The following NAALADL2 variants were observed in gnomAD, a reference collection of about 807,000 sequenced individuals.
NAALADL2 encodes inactive N-acetylated-alpha-linked acidic dipeptidase-like protein 2.
Under a neutral mutation model 87.2 loss-of-function variants are expected in NAALADL2, and 76 were observed. That is an observed-to-expected ratio of 0.87 (90% CI 0.72 to 1.05). The LOEUF (loss-of-function observed/expected upper bound fraction) is 1.05. Ranked by LOEUF, NAALADL2 falls within the 50% of genes least tolerant of loss-of-function variation. The pLI is 0.00. For missense variants in NAALADL2, 1,089 were observed against 945.8 expected, an observed-to-expected ratio of 1.15 and a Z score of -1.99; for synonymous variants, 354 against 331.0, an observed-to-expected ratio of 1.07 and a Z score of -0.75.
intron 10 of NAALADL2, among the ~76,000 whole-genome samples, chr3:175,590,041 T>C (rs893912224): frequency 2.6e-5 from 4 of 151,694 alleles, no homozygotes; most frequent in East Asian, 3.9e-4. Context: ...TGAAGCCCCA[T>C]CTCTCCTAAA....
In NAALADL2 at chr3:174,985,952, C is replaced by CA. The variant is rs369358657; in HGVS notation, c.44-110830dup. Among the ~76,000 whole-genome samples, 215 of 149,542 alleles carry CA rather than the reference C, an allele frequency of 1.4e-3. 1 individual carries two copies. The highest frequency in any genetic ancestry group is 4.8e-3 in the African/African-American group (195 of 40,582). ...GGGCAACGAGAGCGAAACTCCGTCT[C>CA]AAAAAAAACAAAATAAAACAAAAAA... On this transcript the variant is annotated intron_variant, in intron 1 of 13. Transcript: ENST00000454872.
At chr3:175,732,287 G>A (rs1262521331) in intron 11 of NAALADL2, among the ~76,000 whole-genome samples, 6 of 152,086 alleles carry the variant, frequency 3.9e-5, no homozygotes, top group African/African-American at 7.2e-5. Flanking sequence ...ATAGGATTAC[G>A]CAATAACTCA....
intron 2 of NAALADL2, among the ~76,000 whole-genome samples, chr3:175,214,681 G>A (rs1011757383): frequency 3.5e-4 from 53 of 152,074 alleles, no homozygotes; most frequent in African/African-American, 1.1e-3. Context: ...GGTAGTAAAG[G>A]CATTATGAAT....
intron 9 of NAALADL2, among the ~76,000 whole-genome samples, chr3:175,566,349 G>A (rs1224334199): frequency 2.0e-5 from 3 of 152,102 alleles, no homozygotes; most frequent in Non-Finnish European, 2.9e-5. Flanking sequence ...TCTCCCCAGA[G>A]GCAAATGGCA....
intron 1 of NAALADL2, among the ~76,000 whole-genome samples, chr3:174,874,911 G>T (rs7627945): frequency 0.18 from 27,597 of 151,414 alleles, 3,291 homozygotes; most frequent in African/African-American, 0.33. Flanking sequence ...AGCCAAGGAG[G>T]TTGAGACCAG....
chr3:175,687,864 G>T (rs1489216965), intron 11 of NAALADL2, among the ~76,000 whole-genome samples: 3 of 151,862 alleles, frequency 2.0e-5, no homozygotes, highest in Admixed American at 2.0e-4. Context: ...GCCATGTGAT[G>T]CACCTGTTCC....
At position 174,445,004 on chromosome 3, in the gene NAALADL2, G is replaced by T. The variant is rs1460399715; in HGVS notation, c.-184+3972G>T. Among the ~76,000 whole-genome samples the T allele has an allele frequency of 2.7e-5, 4 of 150,164 alleles. No homozygotes were observed. In the East Asian group the frequency reaches 7.8e-4, roughly 29 times the overall value. On this transcript the variant is annotated intron_variant, in intron 1 of 3. Coordinates refer to the NAALADL2 transcript ENST00000434257. ...TTGATAGAGTTGGAAATGGAACCTT[G>T]TTTGAGATTTTTTTTTTTTTTTCAG...
intron 1 of NAALADL2, among the ~76,000 whole-genome samples, chr3:174,968,115 C>T (rs73881574): frequency 0.04 from 6,082 of 152,226 alleles, 394 homozygotes; most frequent in African/African-American, 0.14. Context: ...ATTTGGTGCA[C>T]TATCTAATGA....
chr3:175,658,919 C>G (rs1170417900), intron 11 of NAALADL2, among the ~76,000 whole-genome samples: 1 of 151,750 alleles, frequency 6.6e-6, no homozygotes, highest in Non-Finnish European at 1.5e-5. Context: ...ATACTAGGTA[C>G]ACACACACAC....
chr3:174,931,832 C>CT (rs1398974271), intron 1 of NAALADL2, among the ~76,000 whole-genome samples: 1 of 152,106 alleles, frequency 6.6e-6, no homozygotes, highest in Non-Finnish European at 1.5e-5. Context: ...GAATTGAGAC[C>CT]TAAACAAATT....
intron 1 of NAALADL2, among the ~76,000 whole-genome samples, chr3:174,527,702 C>A (rs1720889640): frequency 6.6e-6 from 1 of 152,038 alleles, no homozygotes. Context: ...CTAATGGAGG[C>A]AGAAATTTAC....
intron 2 of NAALADL2, among the ~76,000 whole-genome samples, chr3:175,109,505 T>G (rs1007619250): frequency 6.6e-6 from 1 of 151,156 alleles, no homozygotes; most frequent in Non-Finnish European, 1.5e-5. Flanking sequence ...AAACAAAATA[T>G]AATGACACAA....
chr3:175,455,681 A>T (rs1218623424), intron 6 of NAALADL2, among the ~76,000 whole-genome samples: 2 of 152,092 alleles, frequency 1.3e-5, no homozygotes, highest in Admixed American at 6.6e-5. Context: ...TGTACTTGAA[A>T]GTTTACAAGT....
At chr3:175,024,632 A>G (rs1751985545) in intron 1 of NAALADL2, among the ~76,000 whole-genome samples, 1 of 152,154 alleles carries the variant, frequency 6.6e-6, no homozygotes, top group Admixed American at 6.6e-5. Context: ...ATAGTGAAAC[A>G]TAAATTTTTT....
intron 2 of NAALADL2, among the ~76,000 whole-genome samples, chr3:174,678,619 A>T (rs1486954359): frequency 6.6e-6 from 1 of 152,118 alleles, no homozygotes; most frequent in Non-Finnish European, 1.5e-5. Context: ...TCCATTTTGC[A>T]TATTTTCATT....
At chr3:174,449,790 C>G (rs1438756656) in intron 1 of NAALADL2, among the ~76,000 whole-genome samples, 2 of 152,254 alleles carry the variant, frequency 1.3e-5, no homozygotes, top group East Asian at 3.9e-4. Context: ...GTCATAGCCA[C>G]TTTTTCATTA....
chr3:175,534,778 T>G (rs1734577553), intron 9 of NAALADL2, among the ~76,000 whole-genome samples: 1 of 152,130 alleles, frequency 6.6e-6, no homozygotes, highest in African/African-American at 2.4e-5. Context: ...TTTCTCCATT[T>G]CTTTAGGATT....
chr3:175,154,975 A>G (rs1368523842), intron 2 of NAALADL2, among the ~76,000 whole-genome samples: 2 of 152,200 alleles, frequency 1.3e-5, no homozygotes, highest in Non-Finnish European at 2.9e-5. Flanking sequence ...AATGTCAGAA[A>G]GAAGAGTTGA....
intron 1 of NAALADL2, among the ~76,000 whole-genome samples, chr3:175,075,794 C>T (rs1716474479): frequency 6.6e-6 from 1 of 152,010 alleles, no homozygotes; most frequent in Non-Finnish European, 1.5e-5. Flanking sequence ...ACAACTGACA[C>T]CTGAACTATG....
Sources: allele counts gnomAD v4.1 joint callset (sites outside exome capture counted in the v4.1 genomes callset), GRCh38; gene constraint gnomAD v4.1.1; transcripts MANE v1.5; gene names NCBI Gene and HGNC (gene_info 2026-07-23, HGNC 2026-07-21).